Variants in TAF2 observed in about 807,000 individuals in gnomAD.
TAF2 encodes the protein TATA-box binding protein associated factor 2, also known as transcription initiation factor TFIID subunit 2.
A neutral mutation model predicts 138.5 loss-of-function variants in TAF2; 61 were observed. The ratio of observed to expected loss-of-function variants is 0.44; its 90% confidence interval spans 0.36 to 0.54. The LOEUF is 0.54. TAF2 is among the 20% of genes least tolerant of loss of function. TAF2 has a pLI of 0.00. For missense variants in TAF2, 1,090 were observed against 1,427.9 expected (o/e 0.76, Z 3.81); for synonymous variants, 475 against 469.9 (o/e 1.01, Z -0.14).
intron 18 of TAF2, among the ~76,000 whole-genome samples, chr8:119,775,738 C>T (rs887442832): frequency 4.0e-5 from 6 of 151,622 alleles, no homozygotes; most frequent in African/African-American, 1.2e-4. Context: ...AAAAAATAAA[C>T]GTTGATTGCT....
At position 119,750,487 on chromosome 8, in the gene TAF2, T is replaced by C. The variant is rs923294240; in HGVS notation, c.2879-3553A>G. Among the ~76,000 whole-genome samples the C allele has an allele frequency of 3.3e-5, 5 of 152,214 alleles. No homozygotes were observed. In the East Asian group the frequency reaches 9.6e-4, roughly 29 times the overall value. On this transcript the variant is annotated intron_variant, in intron 22 of 25. Coordinates refer to ENST00000378164, the MANE Select transcript of TAF2 (RefSeq NM_003184.4). ...CTGAAGCTTAGAAATTTGTACACAG[T>C]TAAGCCAGAAATACAACTCTCACTG...
intron 14 of TAF2, among the ~76,000 whole-genome samples, 178 bp downstream of exon 14, chr8:119,788,160 C>T (rs1823156752): frequency 1.3e-5 from 2 of 152,028 alleles, no homozygotes; most frequent in Admixed American, 6.6e-5. Context: ...ATGGGTGCAG[C>T]AAACCACCAT....
chr8:119,822,644 T>C (rs575986604), intron 2 of TAF2, among the ~76,000 whole-genome samples: 2 of 152,324 alleles, frequency 1.3e-5, no homozygotes, highest in South Asian at 4.1e-4. Flanking sequence ...CAATCTTCAC[T>C]TCCATCCAGG....
intron 17 of TAF2, among the ~76,000 whole-genome samples, chr8:119,780,256 C>G (rs1232942939): frequency 6.6e-6 from 1 of 152,204 alleles, no homozygotes; most frequent in Non-Finnish European, 1.5e-5. Context: ...ACTCTAACCA[C>G]CACTTTCTAA....
intron 3 of TAF2, 73 bp from the exon 4 acceptor site, chr8:119,806,474 T>A: frequency 1.3e-6 from 1 of 741,252 alleles, no homozygotes; most frequent in Non-Finnish European, 2.0e-6. Flanking sequence ...TCTTTCTTTT[T>A]TTTTTTTTTT....
chr8:119,740,422 A>T (rs1819515694), intron 25 of TAF2, among the ~76,000 whole-genome samples: 1 of 144,694 alleles, frequency 6.9e-6, no homozygotes, highest in South Asian at 2.2e-4. Flanking sequence ...TGGGAGGCTG[A>T]GGCTGGTGAT....
chr8:119,797,937 T>C (rs755158709), intron 6 of TAF2, 91 bp from the exon 7 acceptor site: 31 of 1,172,922 alleles, frequency 2.6e-5, no homozygotes, highest in Non-Finnish European at 3.7e-5. Flanking sequence ...AAATAAATGT[T>C]CTCATAAATC....
chr8:119,732,239 G>A, intron 25 of TAF2, 53 bp from the exon 26 acceptor site: 1 of 1,562,448 alleles, frequency 6.4e-7, no homozygotes, highest in Non-Finnish European at 8.8e-7. Flanking sequence ...CGGAAAGCCA[G>A]ACTAAAGAAA....
intron 2 of TAF2, among the ~76,000 whole-genome samples, chr8:119,824,769 C>T (rs1355010299): frequency 1.3e-5 from 2 of 152,232 alleles, no homozygotes; most frequent in Non-Finnish European, 2.9e-5. Context: ...CAAGCCTTGG[C>T]AGCTCCCATG....
chr8:119,738,413 C>T (rs764738336), intron 25 of TAF2, among the ~76,000 whole-genome samples: 10 of 152,194 alleles, frequency 6.6e-5, no homozygotes, highest in African/African-American at 1.4e-4. Flanking sequence ...ATTTACAAGA[C>T]GTCTGCTAAA....
chr8:119,818,379 C>T (rs1825611890), intron 3 of TAF2, among the ~76,000 whole-genome samples: 1 of 152,200 alleles, frequency 6.6e-6, no homozygotes, highest in Admixed American at 6.5e-5. Flanking sequence ...ATCATCTTGA[C>T]TAAAAAGTTT....
intron 8 of TAF2, among the ~76,000 whole-genome samples, chr8:119,796,214 A>G (rs1310922801): frequency 1.3e-5 from 2 of 151,878 alleles, no homozygotes; most frequent in Admixed American, 1.3e-4. Context: ...CTACATTCCA[A>G]GCACTATTCT....
intron 14 of TAF2, among the ~76,000 whole-genome samples, chr8:119,788,095 G>C (rs1447099217): frequency 3.3e-5 from 5 of 152,138 alleles, no homozygotes; most frequent in African/African-American, 1.2e-4. Context: ...TCAGGAGGTG[G>C]GGGGCTAGGG....
chr8:119,769,080 T>C (rs1170083246), intron 18 of TAF2, among the ~76,000 whole-genome samples: 1 of 152,104 alleles, frequency 6.6e-6, no homozygotes. Context: ...GCCACCCCCG[T>C]CAGGGCTGAA....
In TAF2 at chr8:119,742,625, T is replaced by C; in HGVS notation, c.3246A>G (p.Arg1082=). 1 of 1,613,812 alleles carries C rather than the reference T, an allele frequency of 6.2e-7. No individual in the cohort carries two copies. The highest frequency in any genetic ancestry group is 8.5e-7 in the Non-Finnish European group (1 of 1,179,928). The change falls in exon 25 of 26, where the codon CGA becomes CGG. Residue 1082 remains arginine, a synonymous_variant. Transcript: ENST00000378164. ...CTGAGTGCTGGGGTATTAAAGCAGA[T>C]CGGGAGCTAGCTGGCCGATATTTCG... is the stretch of plus-strand genomic sequence containing the variant. ...GLSKYRPASS[R]SALIPQHSAG...
At chr8:119,821,954 C>G (rs932506904) in intron 2 of TAF2, among the ~76,000 whole-genome samples, 6 of 152,008 alleles carry the variant, frequency 3.9e-5, no homozygotes, top group Admixed American at 3.3e-4. Flanking sequence ...ATTGCTTGAG[C>G]CTGGGAGGTT....
chr8:119,830,933 T>A (rs1359280851), intron 2 of TAF2, among the ~76,000 whole-genome samples: 1 of 152,048 alleles, frequency 6.6e-6, no homozygotes, highest in Non-Finnish European at 1.5e-5. Flanking sequence ...TGGAGAAAAC[T>A]CTGACTCCAT....
At chr8:119,754,666 G>C (rs1820578690) in intron 22 of TAF2, among the ~76,000 whole-genome samples, 2 of 150,446 alleles carry the variant, frequency 1.3e-5, no homozygotes, top group East Asian at 2.0e-4. Context: ...CTGGGTGACA[G>C]AGCAAGACTG....
intron 3 of TAF2, among the ~76,000 whole-genome samples, chr8:119,810,218 T>C (rs1586506333): frequency 6.6e-6 from 1 of 152,184 alleles, no homozygotes; most frequent in East Asian, 1.9e-4. Context: ...AAGTCCCTTA[T>C]GCTATCCTTT....
Sources: allele counts gnomAD v4.1 joint callset (sites outside exome capture counted in the v4.1 genomes callset), GRCh38; gene constraint gnomAD v4.1.1; transcripts MANE v1.5; gene names NCBI Gene and HGNC (gene_info 2026-07-23, HGNC 2026-07-21).